WDR27: variants seen among roughly 807,000 people sequenced by gnomAD.
WDR27 encodes WD repeat-containing protein 27.
WDR27 carries 100 observed loss-of-function variants against 114.4 expected under a neutral mutation model. The ratio of observed to expected loss-of-function variants is 0.87; its 90% CI spans 0.74 to 1.03. WDR27 has a LOEUF of 1.03. Ranked by LOEUF, WDR27 falls within the 50% of genes least tolerant of loss-of-function variation. The pLI, the probability that WDR27 is intolerant of heterozygous loss-of-function variation, is 0.00. For synonymous variants in WDR27, 449 were observed against 423.1 expected (o/e 1.06, Z -0.75); for missense variants, 1,129 against 1,092.9 (o/e 1.03, Z -0.47).
rs760434358 is a variant in WDR27, at chr6:169,659,172, C to A, written c.1233G>T (p.Lys411Asn). 6.2e-7 allele frequency: 1 copy of A among 1,611,256 alleles called. No individual in the cohort carries two copies. Among genetic ancestry groups the A allele is most frequent in the Non-Finnish European group, 8.5e-7 (1 of 1,178,584 alleles). The change falls in exon 12 of 26, where the codon AAG (lysine) becomes AAT (asparagine). Residue 411 changes from lysine (K) to asparagine (N), a missense_variant. Transcript: ENST00000448612. This position sits in a 1 kb window ranked among gnomAD's most constrained non-coding sequence, Gnocchi z 4.3. ...CCGGGTTGATCTCCAACACGGCAAT[C>A]TTCCCGCCAAAGAGGGAGGCCAGCA... ...LCLLASLFGG[K>N]IAVLEINPAA...
rs1789602874 is a variant in WDR27, at chr6:169,490,451, G to A, written c.2646-32817C>T. Among the ~76,000 whole-genome samples, 3 of 152,316 alleles carry A rather than the reference G, an allele frequency of 2.0e-5. No individual in the cohort carries two copies. In the South Asian group the frequency reaches 6.2e-4, roughly 32 times the overall value. On this transcript the variant is annotated intron_variant, in intron 25 of 25. Coordinates refer to ENST00000448612, the MANE Select transcript of WDR27 (RefSeq NM_182552.5). The stretch of plus-strand genomic sequence containing the variant: ...AGCCAGGTGTGTGCGCAGAAGGAGT[G>A]CACGTGCTGCTTCTGTGGACTTTCC...
intron 6 of WDR27, chr6:169,666,898 AAAACAG>A: frequency 1.0e-6 from 1 of 985,496 alleles, no homozygotes; most frequent in Non-Finnish European, 1.2e-6. Context: ...TTACTCCTCC[AAAACAG>A]AAAGGCCCAG....
At chr6:169,616,487 C>CA (rs1233862809) in intron 21 of WDR27, among the ~76,000 whole-genome samples, 1 of 151,364 alleles carries the variant, frequency 6.6e-6, no homozygotes, top group Non-Finnish European at 1.5e-5. Context: ...ACTCCGTCTC[C>CA]AAAAAAATAA....
intron 22 of WDR27, 25 bp from the exon 23 acceptor site, chr6:169,602,346 G>C: frequency 6.9e-7 from 1 of 1,453,432 alleles, no homozygotes; most frequent in South Asian, 1.3e-5. Context: ...GAAACACCAG[G>C]AGAAAAATCA....
chr6:169,457,718 T>G, intron 25 of WDR27, 84 bp from the exon 26 acceptor site: 1 of 998,070 alleles, frequency 1.0e-6, no homozygotes, highest in South Asian at 1.6e-5. Flanking sequence ...CCAAAGTGTG[T>G]TATTTTCCTT....
intron 1 of WDR27, among the ~76,000 whole-genome samples, chr6:169,696,849 G>A (rs1786199653): frequency 1.3e-5 from 2 of 152,190 alleles, no homozygotes; most frequent in Non-Finnish European, 2.9e-5. Flanking sequence ...GGGAGGCGGA[G>A]GTTGTTGTGA....
intron 23 of WDR27, among the ~76,000 whole-genome samples, chr6:169,595,301 C>A (rs1044171358): frequency 6.6e-6 from 1 of 152,046 alleles, no homozygotes. Flanking sequence ...CTAGATAGTT[C>A]TTTGGGCACT....
At chr6:169,461,916 A>T (rs1784955623) in intron 25 of WDR27, among the ~76,000 whole-genome samples, 1 of 152,088 alleles carries the variant, frequency 6.6e-6, no homozygotes, top group Non-Finnish European at 1.5e-5. Context: ...TAAGTGAGTA[A>T]TTTGAGTAAT....
chr6:169,544,859 T>C (rs1014602596), intron 25 of WDR27, among the ~76,000 whole-genome samples: 4 of 152,202 alleles, frequency 2.6e-5, no homozygotes, highest in South Asian at 2.1e-4. Context: ...GAAAAGTCTA[T>C]AGTATATGCA....
At chr6:169,464,117 T>TTAA (rs1379240814) in intron 25 of WDR27, among the ~76,000 whole-genome samples, 2 of 152,206 alleles carry the variant, frequency 1.3e-5, no homozygotes, top group African/African-American at 2.4e-5. Flanking sequence ...CACTTTCTGA[T>TTAA]TTCAAAACTT....
intron 23 of WDR27, among the ~76,000 whole-genome samples, chr6:169,595,601 CT>C (rs1286613699): frequency 3.3e-5 from 5 of 152,120 alleles, no homozygotes; most frequent in African/African-American, 1.2e-4. Context: ...GAGAGGTATT[CT>C]ACTTTCTAGT....
intron 15 of WDR27, among the ~76,000 whole-genome samples, chr6:169,648,329 G>GC (rs1412668180): frequency 6.6e-6 from 1 of 152,092 alleles, no homozygotes; most frequent in African/African-American, 2.4e-5. Context: ...TTGGGGCCTC[G>GC]CCACCACTGC....
chr6:169,638,477 T>C (rs922989847), intron 18 of WDR27, 62 bp downstream of exon 18: 1 of 1,580,854 alleles, frequency 6.3e-7, no homozygotes, highest in Non-Finnish European at 8.6e-7. Context: ...AGAATGAGAC[T>C]TTTGAGAAGC....
intron 2 of WDR27, among the ~76,000 whole-genome samples, chr6:169,674,913 GCAGGAGTAGGGGT>G (rs886354975): frequency 2.0e-5 from 3 of 152,176 alleles, no homozygotes; most frequent in African/African-American, 7.2e-5. Context: ...TCTCTGGCGG[GCAGGAGTAGGGGT>G]CACAAAGTAC....
intron 25 of WDR27, among the ~76,000 whole-genome samples, chr6:169,554,947 T>C (rs899755527): frequency 7.2e-5 from 11 of 152,230 alleles, no homozygotes; most frequent in Non-Finnish European, 1.3e-4. Flanking sequence ...AAAAATACTG[T>C]ACTTTCTAGG....
the WDR27 span, among the ~76,000 whole-genome samples, chr6:169,449,995 T>A: frequency 6.6e-6 from 1 of 152,128 alleles, no homozygotes; most frequent in Non-Finnish European, 1.5e-5. Flanking sequence ...ATTTTAAAAT[T>A]TTCTTTGTAT....
intron 23 of WDR27, among the ~76,000 whole-genome samples, chr6:169,591,267 A>G (rs190401855): frequency 6.6e-6 from 1 of 152,254 alleles, no homozygotes; most frequent in East Asian, 1.9e-4. Flanking sequence ...TGTGTTCTTA[A>G]GCAAAATGTC....
chr6:169,577,301 G>A (rs1487030062), intron 24 of WDR27, among the ~76,000 whole-genome samples: 1 of 152,106 alleles, frequency 6.6e-6, no homozygotes. Flanking sequence ...GCAGGCCCGC[G>A]CCGAGGAGGG....
intron 1 of WDR27, 61 bp from the exon 2 acceptor site, chr6:169,689,073 T>C (rs1056477048): frequency 2.4e-6 from 3 of 1,234,970 alleles, no homozygotes; most frequent in Non-Finnish European, 3.3e-6. Context: ...AGAAAAAAAG[T>C]CTATTACCTA....
Sources: gnomAD v4.1 joint callset for allele counts (sites outside exome capture counted in the v4.1 genomes callset) on GRCh38, gnomAD v4.1.1 for gene constraint, Gnocchi (gnomAD v3.1) non-coding constraint, MANE v1.5 for transcripts, NCBI Gene and HGNC (gene_info 2026-07-23, HGNC 2026-07-21) for gene names.